OR2AT4: variants seen among roughly 807,000 people sequenced by gnomAD.
OR2AT4 encodes the protein olfactory receptor family 2 subfamily AT member 4.
Under a neutral mutation model 10.3 loss-of-function variants are expected in OR2AT4, and 6 were observed. The observed-to-expected ratio is 0.58, with a 90% CI of 0.32 to 1.15. The LOEUF is 1.15. Ranked by LOEUF, OR2AT4 falls within the 50% of genes most tolerant of loss-of-function variation. OR2AT4 has a pLI of 0.05. For missense variants in OR2AT4, 354 were observed against 393.8 expected (o/e 0.90, Z 0.85); for synonymous variants, 145 against 159.1 (o/e 0.91, Z 0.67).
exon 2 of OR2AT4, chr11:75,083,278 A>G (rs1949274373): frequency 1.3e-5 from 2 of 152,202 alleles, no homozygotes; most frequent in Admixed American, 1.3e-4. Context: ...ACATATAAGC[A>G]GCCAACAGAC....
chr11:75,087,193 G>A (rs531809884), exon 2 of OR2AT4: 17 of 152,184 alleles, frequency 1.1e-4, no homozygotes, highest in African/African-American at 2.6e-4. Context: ...TTAATAGTAC[G>A]TATTTTACAA....
intron 1 of OR2AT4, among the ~76,000 whole-genome samples, chr11:75,093,824 T>C (rs1156427975): frequency 1.8e-5 from 2 of 111,804 alleles, no homozygotes; most frequent in Non-Finnish European, 3.6e-5. Context: ...TTTTTTTTTT[T>C]TTTTTTTTTT....
intron 1 of OR2AT4, among the ~76,000 whole-genome samples, chr11:75,095,766 C>T (rs1949346355): frequency 6.6e-6 from 1 of 151,068 alleles, no homozygotes; most frequent in Non-Finnish European, 1.5e-5. Flanking sequence ...CAACCTCTGC[C>T]TCCCGGGTTC....
chr11:75,088,900 G>A, exon 2 of OR2AT4: 7 of 1,614,048 alleles, frequency 4.3e-6, no homozygotes, highest in Non-Finnish European at 5.9e-6. Flanking sequence ...AAGTCAAGGG[G>A]CAGGTCAGCC....
chr11:75,088,182 C>A (rs1477102395), exon 2 of OR2AT4: 1 of 152,198 alleles, frequency 6.6e-6, no homozygotes, highest in Non-Finnish European at 1.5e-5. Context: ...AGAAGTGATA[C>A]TGCTGAGTCA....
chr11:75,092,089 G>A (rs947128396), intron 1 of OR2AT4, among the ~76,000 whole-genome samples: 3 of 152,160 alleles, frequency 2.0e-5, no homozygotes, highest in African/African-American at 7.2e-5. Flanking sequence ...GACTTGAATA[G>A]GTGGGCACTT....
chr11:75,095,371 C>A (rs1949342058), intron 1 of OR2AT4, among the ~76,000 whole-genome samples: 1 of 152,168 alleles, frequency 6.6e-6, no homozygotes, highest in African/African-American at 2.4e-5. Context: ...AATATTACTT[C>A]CTCCAAGAGA....
chr11:75,087,193 G>T (rs531809884), exon 2 of OR2AT4: 1 of 152,068 alleles, frequency 6.6e-6, no homozygotes, highest in East Asian at 1.9e-4. Flanking sequence ...TTAATAGTAC[G>T]TATTTTACAA....
intron 1 of OR2AT4, among the ~76,000 whole-genome samples, chr11:75,091,987 C>A (rs1376152556): frequency 6.6e-6 from 1 of 152,128 alleles, no homozygotes; most frequent in Non-Finnish European, 1.5e-5. Context: ...TTCCTATTTT[C>A]AATACATTTA....
intron 1 of OR2AT4, among the ~76,000 whole-genome samples, chr11:75,090,748 A>G (rs1036058750): frequency 3.3e-5 from 5 of 152,224 alleles, no homozygotes; most frequent in Non-Finnish European, 7.3e-5. Context: ...CTGGCTATGC[A>G]AGGGAGGCTA....
At chr11:75,095,472 T>A (rs973735637) in intron 1 of OR2AT4, among the ~76,000 whole-genome samples, 1 of 152,124 alleles carries the variant, frequency 6.6e-6, no homozygotes, top group Non-Finnish European at 1.5e-5. Flanking sequence ...TTACACCAGG[T>A]TGTCTCTGTC....
At chr11:75,087,110 T>C (rs1949294998) in exon 2 of OR2AT4, 1 of 152,230 alleles carries the variant, frequency 6.6e-6, no homozygotes, top group African/African-American at 2.4e-5. Context: ...TGTGGCATTC[T>C]GATTGGATCC....
exon 2 of OR2AT4, chr11:75,086,599 C>G (rs1949292096): frequency 6.6e-6 from 1 of 152,148 alleles, no homozygotes; most frequent in Non-Finnish European, 1.5e-5. Flanking sequence ...CACAATTAGT[C>G]ATAGGGAAAT....
At chr11:75,093,804 C>CT (rs1166766222) in intron 1 of OR2AT4, among the ~76,000 whole-genome samples, 5 of 88,370 alleles carry the variant, frequency 5.7e-5, no homozygotes, top group African/African-American at 1.3e-4. Flanking sequence ...TTTTCTTTTT[C>CT]TTTTTCTTTT....
intron 1 of OR2AT4, among the ~76,000 whole-genome samples, chr11:75,093,804 C>CTTTTTTTTTTTTTTT (rs1166766222): frequency 6.8e-5 from 6 of 88,350 alleles, no homozygotes; most frequent in African/African-American, 2.1e-4. Flanking sequence ...TTTTCTTTTT[C>CTTTTTTTTTTTTTTT]TTTTTCTTTT....
At chr11:75,089,176 A>T in exon 2 of OR2AT4, 1 of 1,614,134 alleles carries the variant, frequency 6.2e-7, no homozygotes, top group South Asian at 1.1e-5. Flanking sequence ...AAGCAGTGGT[A>T]GATGTAGGCA....
rs753977043 is a variant in OR2AT4, at chr11:75,088,983, G to A, written c.731C>T (p.Ser244Phe). Residue 244 changes from serine (S) to phenylalanine (F), a missense_variant, in exon 2 of 2, where the codon TCC becomes TTC. Transcript: ENST00000641504. ...GACCAGAAGGTGGGAGCTGCAGGTG[G>A]AGAAGGCTTTTGCCCGTCCTTCTAG... 6.2e-6 allele frequency: 10 copies of A among 1,614,090 alleles called. No individual in the cohort carries two copies. In the Admixed American group the frequency reaches 1.5e-4, roughly 24 times the overall value.
chr11:75,086,346 A>G (rs902054285), exon 2 of OR2AT4: 3 of 152,198 alleles, frequency 2.0e-5, no homozygotes, highest in Admixed American at 6.5e-5. Flanking sequence ...AGGCTTTATC[A>G]AAATTGAAAA....
chr11:75,096,264 T>C (rs1302763749), intron 1 of OR2AT4: 1 of 152,236 alleles, frequency 6.6e-6, no homozygotes, highest in Non-Finnish European at 1.5e-5. Context: ...AGATGTGTCA[T>C]GGCCTCAGCC....
Sources: gnomAD v4.1 joint callset for allele counts (sites outside exome capture counted in the v4.1 genomes callset) on GRCh38, gnomAD v4.1.1 for gene constraint, MANE v1.5 for transcripts, NCBI Gene and HGNC (gene_info 2026-07-23, HGNC 2026-07-21) for gene names.